The following TRPV6 variants were observed in gnomAD, a reference collection of about 807,000 sequenced individuals.
The protein encoded by TRPV6 is transient receptor potential cation channel subfamily V member 6.
TRPV6 carries 39 observed loss-of-function variants against 79.0 expected under a neutral mutation model. That is an observed-to-expected ratio of 0.49 (90% CI 0.38 to 0.64). The LOEUF (loss-of-function observed/expected upper bound fraction) is 0.64. Among genes scored for constraint, TRPV6 ranks in the 30% least tolerant of loss-of-function variants. The pLI, the probability that TRPV6 is intolerant of heterozygous loss-of-function variation, is 0.00. For missense variants in TRPV6, 813 were observed against 1,011.1 expected (o/e 0.80, Z 2.66); for synonymous variants, 373 against 391.9 (o/e 0.95, Z 0.57).
intron 1 of TRPV6, chr7:142,881,235 T>C (rs1167617092): frequency 6.6e-6 from 1 of 152,132 alleles, no homozygotes; most frequent in Non-Finnish European, 1.5e-5. Flanking sequence ...AATAGATTTT[T>C]CAATAGCAAC....
Position 142,873,807 on chromosome 7 carries a change from T to G in TRPV6, c.1640-91A>C. ...CTGCGTGCATGTCCATCCTGGTCCC[T>G]TCATCTCAATATCACCAGCTCTGCA... On this transcript the variant is annotated intron_variant, in intron 12 of 14. Coordinates refer to ENST00000359396, the MANE Select transcript of TRPV6 (RefSeq NM_018646.6). This position sits in a 1 kb window ranked among gnomAD's most constrained non-coding sequence, Gnocchi z 4.8. 6.5e-7 allele frequency: 1 copy of G among 1,536,054 alleles called. No individual in the cohort carries two copies.
Position 142,875,896 on chromosome 7 carries a change from C to T in TRPV6, c.891G>A (p.Gln297=). The change falls in exon 7 of 15, where the codon CAG becomes CAA. Residue 297 remains glutamine, a synonymous_variant. Coordinates refer to ENST00000359396, the MANE Select transcript of TRPV6 (RefSeq NM_018646.6). Reference sequence around the variant, plus strand: ...TGTGCTTCCGCTTCTGCATCAGGTGCTGAAACATCTAAGGGAAAGTGAAGA... The same window carrying T: ...TGTGCTTCCGCTTCTGCATCAGGTGTTGAAACATCTAAGGGAAAGTGAAGA... The T allele has an allele frequency of 6.3e-7, 1 of 1,581,548 alleles. No homozygotes were observed. Among genetic ancestry groups the T allele is most frequent in the South Asian group, 1.2e-5 (1 of 85,174 alleles).
rs890305634 is a variant in TRPV6, at chr7:142,871,244, G to C, written c.*463C>G. 3 of 511,046 alleles carry C rather than the reference G, an allele frequency of 5.9e-6. No individual in the cohort carries two copies. The South Asian group carries it at 6.2e-5, about 11-fold the overall frequency. The allele number at this position is 511,046 out of a possible 1,614,324, so 31.7% of individuals were successfully genotyped here. A position where few individuals can be genotyped will look rare whatever the true frequency, so the allele number is the denominator to read the frequency against. On this transcript the variant is annotated 3_prime_UTR_variant, in exon 15 of 15. Transcript: ENST00000359396. ...AACGACTTTATTGAAGATGGAGTTG[G>C]CAAGACCTAGCCCCACTTCCCACCC...
At chr7:142,881,256 A>G (rs1411109031) in intron 1 of TRPV6, 1 of 152,138 alleles carries the variant, frequency 6.6e-6, no homozygotes, top group African/African-American at 2.4e-5. Flanking sequence ...TTATCACAGG[A>G]GTTTAGATCA....
intron 1 of TRPV6, 184 bp downstream of exon 1, chr7:142,885,205 C>G: frequency 1.7e-6 from 1 of 593,232 alleles, no homozygotes. Flanking sequence ...CAACCCCATC[C>G]TCTTTCACCA....
rs373768674 is a variant in TRPV6, at chr7:142,872,410, G to T, written c.1977C>A (p.Cys659Ter). Reference sequence around the variant, plus strand: ...GGTCTCCCAGGCCATACTCCCGTCCGCAGATCCCGGAGCGAGGCCACAGGC... The same window carrying T: ...GGTCTCCCAGGCCATACTCCCGTCCTCAGATCCCGGAGCGAGGCCACAGGC... The change falls in exon 14 of 15, where the codon TGC (cysteine) becomes TGA (stop). Residue 659 changes from cysteine to a stop codon, truncating the protein, a stop_gained. Coordinates refer to ENST00000359396, the MANE Select transcript of TRPV6 (RefSeq NM_018646.6). LOFTEE classifies it low-confidence loss of function (END_TRUNC). 7 of 1,614,070 alleles carry T rather than the reference G, an allele frequency of 4.3e-6. No homozygotes were observed. In the East Asian group the frequency reaches 1.3e-4, roughly 31 times the overall value.
intron 1 of TRPV6, chr7:142,880,130 T>C (rs1184563373): frequency 6.6e-6 from 1 of 152,218 alleles, no homozygotes; most frequent in Non-Finnish European, 1.5e-5. Context: ...CTAAGCCAAC[T>C]TTCAGCAAGC....
chr7:142,873,314 T>G lies in TRPV6; in HGVS notation c.1908+134A>C. 8.1e-7 allele frequency: 1 copy of G among 1,232,164 alleles called. No homozygotes were observed. The highest frequency in any genetic ancestry group is 1.5e-5 in the African/African-American group (1 of 67,612). The allele number at this position is 1,232,164 out of a possible 1,614,324, so 76.3% of individuals were successfully genotyped here. On this transcript the variant is annotated intron_variant, in intron 13 of 14. Transcript: ENST00000359396. This position sits in a 1 kb window ranked among gnomAD's most constrained non-coding sequence, Gnocchi z 4.8. ...TGCTAATCAGTGCTTCTGTACATTT[T>G]GCATGATTTTGCTAGCTTTGCCACA...
Position 142,875,069 on chromosome 7 carries a change from A to G in TRPV6, c.1329+9T>C. 6.2e-7 allele frequency: 1 copy of G among 1,614,094 alleles called. No individual in the cohort carries two copies. Among genetic ancestry groups the G allele is most frequent in the Non-Finnish European group, 8.5e-7 (1 of 1,180,012 alleles). On this transcript the variant is annotated intron_variant, in intron 9 of 14. Transcript: ENST00000359396. ...AGACAGCCTCACCCAGAGTCCATCCACACCTCACCTCTACCAGCAGGATGA... is the reference window on the plus strand; with the variant it reads ...AGACAGCCTCACCCAGAGTCCATCCGCACCTCACCTCTACCAGCAGGATGA...
chr7:142,877,195 G>A lies in TRPV6; in HGVS notation c.554C>T (p.Ala185Val). 6.2e-7 allele frequency: 1 copy of A among 1,614,196 alleles called. No homozygotes were observed. Among genetic ancestry groups the A allele is most frequent in the East Asian group, 2.2e-5 (1 of 44,878 alleles). ...GCGGAAGGCAGTGCCTGTGGCTCTG[G>A]CAGAGACACTGGCCCTGCGGGCAAG... Residue 185 changes from alanine (A) to valine (V), a missense_variant, in exon 4 of 15, where the codon GCC becomes GTC. By Grantham distance (64) the Ala-to-Val change is moderately conservative (BLOSUM62 0). This residue lies in a region of TRPV6 where 555 missense variants were observed against 631.0 expected (regional missense o/e 0.88). Transcript: ENST00000359396.
Position 142,877,212 on chromosome 7 carries a change from G to T in TRPV6, c.537C>A (p.Arg179=). ...TGGCTCTGGCAGAGACACTGGCCCTGCGGGCAAGCAGGGCTCGCACCAGGT... is the reference window on the plus strand; with the variant it reads ...TGGCTCTGGCAGAGACACTGGCCCTTCGGGCAAGCAGGGCTCGCACCAGGT... The change falls in exon 4 of 15, where the codon CGC becomes CGA. Residue 179 remains arginine, a synonymous_variant. Coordinates refer to ENST00000359396, the MANE Select transcript of TRPV6 (RefSeq NM_018646.6). The T allele has an allele frequency of 6.2e-7, 1 of 1,614,214 alleles. No homozygotes were observed. The highest frequency in any genetic ancestry group is 8.5e-7 in the Non-Finnish European group (1 of 1,180,034).
Position 142,883,663 on chromosome 7 carries a change from T to C in TRPV6, c.248+1726A>G, listed in dbSNP as rs1429865430. ...TGTTCCTATTTACTTAGTCATCCCA[T>C]GTTTATCTCAATGCCCCCATGCCTT... On this transcript the variant is annotated intron_variant, in intron 1 of 14. Transcript: ENST00000359396. 3 of 152,268 alleles carry C rather than the reference T, an allele frequency of 2.0e-5. No individual in the cohort carries two copies. In the East Asian group the frequency reaches 5.8e-4, roughly 29 times the overall value. The allele number at this position is 152,268 out of a possible 1,614,324, so 9.4% of individuals were successfully genotyped here.
At chr7:142,885,232 C>A in intron 1 of TRPV6, 157 bp downstream of exon 1, 3 of 796,444 alleles carry the variant, frequency 3.8e-6, no homozygotes, top group Non-Finnish European at 3.8e-6. Flanking sequence ...CAGGCTGAGG[C>A]TCTTAAGACA....
At chr7:142,874,177 C>G (rs779580433) in intron 11 of TRPV6, 35 bp from the exon 12 acceptor site, 1 of 1,605,318 alleles carries the variant, frequency 6.2e-7, no homozygotes, top group East Asian at 2.2e-5. Context: ...CATCTGCACA[C>G]ATTCCCCAAG....
intron 1 of TRPV6, 77 bp from the exon 2 acceptor site, chr7:142,878,103 C>A: frequency 8.4e-7 from 1 of 1,187,200 alleles, no homozygotes; most frequent in Non-Finnish European, 1.3e-6. Context: ...GGCTTGACTC[C>A]ATTATTATAC....
chr7:142,877,950 C>A lies in TRPV6; in HGVS notation c.325G>T (p.Asp109Tyr), dbSNP rs1306065189. ...TTACCTCTCTGGTGCACCTTGCAAT[C>A]CTCATACTTGAGCAACTTGTTCAGG... is the stretch of plus-strand genomic sequence containing the variant. Residue 109 changes from aspartate (D) to tyrosine (Y), a missense_variant, in exon 2 of 15, where the codon GAT (aspartate) becomes TAT (tyrosine). Around this residue, in one of 3 missense-constraint regions of TRPV6, gnomAD observed 555 missense variants for 631.0 expected, o/e 0.88. Coordinates refer to ENST00000359396, the MANE Select transcript of TRPV6 (RefSeq NM_018646.6). The A allele has an allele frequency of 1.9e-6, 3 of 1,614,070 alleles. No individual in the cohort carries two copies. In the South Asian group the frequency reaches 3.3e-5, roughly 18 times the overall value.
At position 142,875,625 on chromosome 7, in the gene TRPV6, T is replaced by G. The variant is rs1160212655; in HGVS notation, c.1085A>C (p.Lys362Thr). ...GCAGAAGTACGGCCGCCCGTACCGCTTCCACTTGAGGCTCACCAGCTCCTT... is the reference window on the plus strand; with the variant it reads ...GCAGAAGTACGGCCGCCCGTACCGCGTCCACTTGAGGCTCACCAGCTCCTT... Residue 362 changes from lysine (K) to threonine (T), a missense_variant, in exon 8 of 15, where the codon AAG (lysine) becomes ACG (threonine). This residue lies in a region of TRPV6 where 555 missense variants were observed against 631.0 expected (regional missense o/e 0.88). Transcript: ENST00000359396. 1 of 1,613,844 alleles carries G rather than the reference T, an allele frequency of 6.2e-7. No homozygotes were observed. The highest frequency in any genetic ancestry group is 2.2e-5 in the East Asian group (1 of 44,856).
chr7:142,874,860 GC>G (rs745599283), intron 10 of TRPV6, 43 bp downstream of exon 10: 2 of 1,607,254 alleles, frequency 1.2e-6, no homozygotes, highest in South Asian at 2.2e-5. Flanking sequence ...TGGAACTGGA[GC>G]CCTGTTGAGG....
At position 142,873,440 on chromosome 7, in the gene TRPV6, G is replaced by A. The variant is rs753015970; in HGVS notation, c.1908+8C>T. ...TGCCCTAACCCTCCCTGCCACCAGG[G>A]GGCTCACCTGGGCCCTCCACAGCTC... On this transcript the variant is annotated splice_region_variant and intron_variant, in intron 13 of 14. Transcript: ENST00000359396. This position sits in a 1 kb window ranked among gnomAD's most constrained non-coding sequence, Gnocchi z 4.8. 2.5e-6 allele frequency: 4 copies of A among 1,612,574 alleles called. No individual in the cohort carries two copies. The South Asian group carries it at 3.3e-5, about 13-fold the overall frequency.
Sources: allele counts gnomAD v4.1 joint callset, GRCh38; gene constraint gnomAD v4.1.1; regional missense constraint gnomAD v4.1.1; non-coding constraint Gnocchi (gnomAD v3.1); transcripts MANE v1.5; gene names NCBI Gene and HGNC (gene_info 2026-07-23, HGNC 2026-07-21).